The following TRANK1 variants were observed in gnomAD, a reference collection of about 807,000 sequenced individuals.
TRANK1 encodes the protein tetratricopeptide repeat and ankyrin repeat containing 1.
Under a neutral mutation model 266.0 loss-of-function variants are expected in TRANK1, and 198 were observed. The ratio of observed to expected loss-of-function variants is 0.74; its 90% confidence interval spans 0.66 to 0.84. The LOEUF (loss-of-function observed/expected upper bound fraction) is 0.84. TRANK1 is among the 40% of genes least tolerant of loss of function. The probability of loss-of-function intolerance (pLI) is 0.00; values close to 1 mark genes in which losing one functional copy is unlikely to be tolerated. For synonymous variants in TRANK1, 1,396 were observed against 1,384.1 expected, an observed-to-expected ratio of 1.01 and a Z score of -0.19; for missense variants, 3,326 against 3,634.6, an observed-to-expected ratio of 0.92 and a Z score of 2.18.
At chr3:36,854,273 T>C (rs989368294) in intron 13 of TRANK1, among the ~76,000 whole-genome samples, 8 of 151,902 alleles carry the variant, frequency 5.3e-5, no homozygotes, top group Admixed American at 3.9e-4. Flanking sequence ...GGCAGGAGAA[T>C]TGCTTGAACC....
chr3:36,859,291 T>C (rs2125549469), intron 11 of TRANK1, among the ~76,000 whole-genome samples: 1 of 151,874 alleles, frequency 6.6e-6, no homozygotes, highest in South Asian at 2.1e-4. Context: ...TTTTAATACT[T>C]TAAGTTCTGG....
intron 6 of TRANK1, 127 bp from the exon 7 acceptor site, chr3:36,892,467 T>C (rs2079714588): frequency 8.4e-7 from 1 of 1,186,830 alleles, no homozygotes; most frequent in Non-Finnish European, 1.1e-6. Context: ...CCTAGGATTA[T>C]TATAAATAAC....
chr3:36,838,536 C>A (rs571072517), intron 19 of TRANK1, 32 bp from the exon 20 acceptor site: 2 of 1,613,992 alleles, frequency 1.2e-6, no homozygotes, highest in Non-Finnish European at 1.7e-6. Flanking sequence ...AATATTTCCA[C>A]GGAACATTGA....
In TRANK1 at chr3:36,944,845, C is replaced by T. The variant is rs2080550583; in HGVS notation, c.-36G>A. On this transcript the variant is annotated 5_prime_UTR_variant, in exon 1 of 24. Transcript: ENST00000645898. ...GGAGGGTCCGCACCAGGACCGCCGCCGCCTGGGGAAGCGCTTCCCTGTGGG... is the reference window on the plus strand; with the variant it reads ...GGAGGGTCCGCACCAGGACCGCCGCTGCCTGGGGAAGCGCTTCCCTGTGGG... 2.8e-6 allele frequency: 4 copies of T among 1,445,832 alleles called. No individual in the cohort carries two copies. Among genetic ancestry groups the T allele is most frequent in the African/African-American group, 3.0e-5 (2 of 67,304 alleles). 89.6% of individuals were successfully genotyped at this position (1,445,832 alleles called of 1,614,324 possible).
At position 36,901,466 on chromosome 3, in the gene TRANK1, G is replaced by T. The variant is rs193252991; in HGVS notation, c.282+1683C>A. ...TAAAACTCTTTTCCTTTATCTTGTC[G>T]CATCCCCACAATTTATTATTCTTTA... On this transcript the variant is annotated intron_variant, in intron 3 of 23. Coordinates refer to ENST00000645898, the MANE Select transcript of TRANK1 (RefSeq NM_001329998.2). Among the ~76,000 whole-genome samples, 6 of 152,082 alleles carry T rather than the reference G, an allele frequency of 3.9e-5. No individual in the cohort carries two copies. The East Asian group carries it at 1.2e-3, about 29-fold the overall frequency.
intron 15 of TRANK1, chr3:36,850,138 A>C: frequency 1.0e-6 from 1 of 985,422 alleles, no homozygotes; most frequent in Non-Finnish European, 1.2e-6. Context: ...AAAGAACAGA[A>C]ACAACAAAGT....
At position 36,847,265 on chromosome 3, in the gene TRANK1, C is replaced by T; in HGVS notation, c.4969G>A (p.Val1657Ile). 6.2e-7 allele frequency: 1 copy of T among 1,613,600 alleles called. No individual in the cohort carries two copies. Among genetic ancestry groups the T allele is most frequent in the Non-Finnish European group, 8.5e-7 (1 of 1,179,746 alleles). ...GAAGAGCCTGGTTTGTCCAGGGGTA[C>T]TTCAACCAATGGCCGGTTTTCCTCT... ...SREENRPLVE[V>I]PLDKPGSSQG... The change falls in exon 16 of 24, where the codon GTA becomes ATA. Residue 1657 changes from valine to isoleucine, a missense_variant. Val to Ile is a conservative substitution (Grantham distance 29, BLOSUM62 3). Coordinates refer to ENST00000645898, the MANE Select transcript of TRANK1 (RefSeq NM_001329998.2).
At chr3:36,873,122 T>C (rs2079333803) in intron 9 of TRANK1, among the ~76,000 whole-genome samples, 1 of 152,204 alleles carries the variant, frequency 6.6e-6, no homozygotes, top group African/African-American at 2.4e-5. Context: ...ATAAAACACA[T>C]TCCCATTTCA....
intron 5 of TRANK1, among the ~76,000 whole-genome samples, chr3:36,893,507 T>C (rs1025803056): frequency 6.6e-6 from 1 of 152,142 alleles, no homozygotes; most frequent in African/African-American, 2.4e-5. Flanking sequence ...GTCTTGTATG[T>C]CATATTAGTA....
rs1259562042 is a variant in TRANK1, at chr3:36,874,282, C to T, written c.922G>A (p.Val308Met). The change falls in exon 9 of 24, where the codon GTG becomes ATG. Residue 308 changes from valine to methionine, a missense_variant. By Grantham distance (21) the Val-to-Met change is conservative. Coordinates refer to ENST00000645898, the MANE Select transcript of TRANK1 (RefSeq NM_001329998.2). ...GCCCCAAAGCGCAGGAGCATCTGCACATCCTCTGTTTGTCCTAGGGCAGGC... is the reference window on the plus strand; with the variant it reads ...GCCCCAAAGCGCAGGAGCATCTGCATATCCTCTGTTTGTCCTAGGGCAGGC... ...GYLVKRQTED[V>M]QMLLRFGADP... The T allele has an allele frequency of 2.0e-6, 3 of 1,536,834 alleles. No homozygotes were observed. The highest frequency in any genetic ancestry group is 2.7e-5 in the African/African-American group (2 of 72,994).
At chr3:36,850,522 A>C (rs2078971842) in intron 15 of TRANK1, 1 of 984,614 alleles carries the variant, frequency 1.0e-6, no homozygotes, top group African/African-American at 1.7e-5. Flanking sequence ...TAATCTCAGC[A>C]CTTCGGGAGG....
At chr3:36,853,037 T>C (rs1181283855) in intron 13 of TRANK1, among the ~76,000 whole-genome samples, 2 of 152,190 alleles carry the variant, frequency 1.3e-5, no homozygotes, top group Non-Finnish European at 2.9e-5. Flanking sequence ...GAGAGGATTT[T>C]CCAAAGAGAT....
intron 8 of TRANK1, among the ~76,000 whole-genome samples, chr3:36,889,135 G>A (rs190955344): frequency 5.3e-5 from 8 of 152,266 alleles, no homozygotes; most frequent in Non-Finnish European, 1.0e-4. Flanking sequence ...GCAGCAGCAC[G>A]AGGCACAAGC....
In TRANK1 at chr3:36,832,224, T is replaced by C. The variant is rs759027731; in HGVS notation, c.7359A>G (p.Val2453=). 3 of 1,613,888 alleles carry C rather than the reference T, an allele frequency of 1.9e-6. No individual in the cohort carries two copies. The African/African-American group carries it at 4.0e-5, about 22-fold the overall frequency. Residue 2453 remains valine (V), a synonymous_variant, in exon 22 of 24, where the codon GTA becomes GTG. Transcript: ENST00000645898. Reference sequence around the variant, plus strand: ...GGATGAACTGGAACTCCAGGAGGGCTACTGTGTTTCCAATGCTGGGGATGA... The same window carrying C: ...GGATGAACTGGAACTCCAGGAGGGCCACTGTGTTTCCAATGCTGGGGATGA... ...EPLIPSIGNT[V]ALLEFQFIHC...
chr3:36,888,645 C>T lies in TRANK1; in HGVS notation c.907+1184G>A, dbSNP rs558263560. ...GAAGAGAGGAAACTGCAGTTTCCTA[C>T]GAGTAACCCACCAGACCAGAAGTCC... On this transcript the variant is annotated intron_variant, in intron 8 of 23. Coordinates refer to ENST00000645898, the MANE Select transcript of TRANK1 (RefSeq NM_001329998.2). Among the ~76,000 whole-genome samples the T allele has an allele frequency of 2.0e-5, 3 of 152,304 alleles. No homozygotes were observed. The East Asian group carries it at 5.8e-4, about 29-fold the overall frequency.
chr3:36,834,739 A>C lies in TRANK1; in HGVS notation c.5663+23T>G, dbSNP rs559073275. 3.7e-6 allele frequency: 6 copies of C among 1,602,272 alleles called. No individual in the cohort carries two copies. In the African/African-American group the frequency reaches 4.0e-5, roughly 11 times the overall value. ...AGAAGTGGGAGGAAGAGAGGGAGAA[A>C]GGGAGAGAATAAAACCACCTACTTT... On this transcript the variant is annotated intron_variant, in intron 21 of 23. Coordinates refer to ENST00000645898, the MANE Select transcript of TRANK1 (RefSeq NM_001329998.2).
chr3:36,937,274 T>C (rs984919531), intron 1 of TRANK1, among the ~76,000 whole-genome samples: 11 of 152,148 alleles, frequency 7.2e-5, no homozygotes, highest in Admixed American at 1.3e-4. Context: ...TTTTTCCAGA[T>C]CATTATTTGG....
intron 1 of TRANK1, among the ~76,000 whole-genome samples, chr3:36,920,079 A>G (rs1209143919): frequency 6.6e-6 from 1 of 152,246 alleles, no homozygotes; most frequent in Admixed American, 6.5e-5. Flanking sequence ...ACAAACTATA[A>G]TAAGTTCAGG....
In TRANK1 at chr3:36,857,302, C is replaced by A. The variant is rs934679332; in HGVS notation, c.2420G>T (p.Gly807Val). 1 of 1,609,148 alleles carries A rather than the reference C, an allele frequency of 6.2e-7. No individual in the cohort carries two copies. The highest frequency in any genetic ancestry group is 8.5e-7 in the Non-Finnish European group (1 of 1,177,532). The change falls in exon 13 of 24, where the codon GGG (glycine) becomes GTG (valine). Residue 807 changes from glycine (G) to valine (V), a missense_variant. Physicochemically the swap from Gly to Val is moderately radical, Grantham distance 109. Coordinates refer to ENST00000645898, the MANE Select transcript of TRANK1 (RefSeq NM_001329998.2). This position sits in a 1 kb window ranked among gnomAD's most constrained non-coding sequence, Gnocchi z 4.3. The part of the protein sequence containing the change: ...ALQLVPDDNR[G>V]KEGNDDQDDW... ...ATCCTGATCATCATTGCCCTCCTTC[C>A]CCCTGTTATCATCAGGCACAAGCTG...
Sources: gnomAD v4.1 joint callset for allele counts (sites outside exome capture counted in the v4.1 genomes callset) on GRCh38, gnomAD v4.1.1 for gene constraint, Gnocchi (gnomAD v3.1) non-coding constraint, MANE v1.5 for transcripts, NCBI Gene and HGNC (gene_info 2026-07-23, HGNC 2026-07-21) for gene names.